The following MTHFD2L variants were observed in gnomAD, a reference collection of about 807,000 sequenced individuals.
MTHFD2L encodes the protein bifunctional methylenetetrahydrofolate dehydrogenase/cyclohydrolase 2, mitochondrial.
In MTHFD2L, 29 loss-of-function variants were observed where a neutral mutation model predicts 34.9. The ratio of observed to expected loss-of-function variants is 0.83; its 90% CI spans 0.62 to 1.13. MTHFD2L has a LOEUF of 1.13. Ranked by LOEUF, MTHFD2L falls within the 50% of genes most tolerant of loss-of-function variation. The pLI, the probability that MTHFD2L is intolerant of heterozygous loss-of-function variation, is 0.00. For missense variants in MTHFD2L, 481 were observed against 446.5 expected (o/e 1.08, Z -0.70); for synonymous variants, 167 against 155.7 (o/e 1.07, Z -0.54).
intron 5 of MTHFD2L, among the ~76,000 whole-genome samples, chr4:74,205,793 G>A (rs1054949254): frequency 6.6e-6 from 1 of 152,042 alleles, no homozygotes; most frequent in Non-Finnish European, 1.5e-5. Flanking sequence ...GTGAGAGATG[G>A]TTCCTGTCCT....
chr4:74,125,789 A>G (rs1414430339), intron 1 of MTHFD2L, among the ~76,000 whole-genome samples: 1 of 152,170 alleles, frequency 6.6e-6, no homozygotes, highest in Non-Finnish European at 1.5e-5. Flanking sequence ...AAATTTGTTT[A>G]TTCTCTTTTA....
upstream of MTHFD2L, among the ~76,000 whole-genome samples, chr4:74,122,407 C>T (rs2109777623): frequency 6.6e-6 from 1 of 152,250 alleles, no homozygotes; most frequent in South Asian, 2.1e-4. Flanking sequence ...ACCACCAGAT[C>T]TCATGATAAT....
At chr4:74,134,951 G>A (rs754930445) in intron 1 of MTHFD2L, among the ~76,000 whole-genome samples, 12 of 151,512 alleles carry the variant, frequency 7.9e-5, no homozygotes, top group African/African-American at 1.9e-4. Context: ...ATGAGAGAAG[G>A]CCACTTACAA....
At chr4:74,145,872 C>T (rs1723562410) in intron 1 of MTHFD2L, among the ~76,000 whole-genome samples, 1 of 152,110 alleles carries the variant, frequency 6.6e-6, no homozygotes, top group Admixed American at 6.5e-5. Flanking sequence ...CCTGCTTTGC[C>T]TTCCACCATA....
chr4:74,143,726 A>AAAAT (rs1723419714), intron 1 of MTHFD2L, among the ~76,000 whole-genome samples: 1 of 151,208 alleles, frequency 6.6e-6, no homozygotes, highest in African/African-American at 2.5e-5. Context: ...TGGGTTGTGG[A>AAAAT]AAATAAGATA....
chr4:74,234,720 A>G (rs1740583531), intron 6 of MTHFD2L, among the ~76,000 whole-genome samples: 1 of 152,016 alleles, frequency 6.6e-6, no homozygotes, highest in East Asian at 1.9e-4. Context: ...AAATTAGTGT[A>G]ATACAGCTTG....
intron 7 of MTHFD2L, chr4:74,293,584 T>C (rs747116687): frequency 2.4e-4 from 223 of 935,468 alleles, no homozygotes; most frequent in Non-Finnish European, 2.6e-4. Flanking sequence ...TATAGTAAAT[T>C]CCCTCCGGAG....
intron 6 of MTHFD2L, among the ~76,000 whole-genome samples, chr4:74,246,574 A>G (rs923304094): frequency 1.8e-4 from 28 of 152,132 alleles, no homozygotes; most frequent in Non-Finnish European, 2.8e-4. Context: ...CCTGAATGGT[A>G]ATGCCTAGGT....
rs1168073393 is a variant in MTHFD2L, at chr4:74,117,800, C to CACGGG, written c.-144+3145_-144+3146insGGGAC. ...ACTGTCACCTCTTCTTTTCACCCAT[C>CACGGG]ACTTTTGTCTTAAGAACTCTATGCT... On this transcript the variant is annotated intron_variant and NMD_transcript_variant, in intron 2 of 9. Transcript: ENST00000429519. Among the ~76,000 whole-genome samples, 3 of 152,192 alleles carry CACGGG rather than the reference C, an allele frequency of 2.0e-5. No individual in the cohort carries two copies. The East Asian group carries it at 5.8e-4, about 29-fold the overall frequency.
At chr4:74,121,486 G>A (rs1721757450), upstream of MTHFD2L, among the ~76,000 whole-genome samples, 1 of 150,230 alleles carries the variant, frequency 6.7e-6, no homozygotes, top group African/African-American at 2.5e-5. Context: ...ATATACTGCA[G>A]GTGTCACTGC....
chr4:74,163,566 A>G (rs193132618), intron 1 of MTHFD2L, among the ~76,000 whole-genome samples: 1 of 152,376 alleles, frequency 6.6e-6, no homozygotes, highest in Admixed American at 6.5e-5. Context: ...AATTTCTAGT[A>G]AAATTACTTC....
At chr4:74,254,587 C>CAA (rs11379406) in intron 6 of MTHFD2L, among the ~76,000 whole-genome samples, 37,276 of 142,702 alleles carry the variant, frequency 0.26, 5,066 homozygotes, top group African/African-American at 0.33. Flanking sequence ...CCCCCACCTC[C>CAA]AAAAAAAAAA....
intron 7 of MTHFD2L, among the ~76,000 whole-genome samples, chr4:74,289,020 AGTT>A (rs1389864824): frequency 6.6e-6 from 1 of 152,122 alleles, no homozygotes; most frequent in Non-Finnish European, 1.5e-5. Flanking sequence ...TCATTCATTT[AGTT>A]GTTCAATGCT....
At chr4:74,248,872 A>G (rs1742885884) in intron 6 of MTHFD2L, among the ~76,000 whole-genome samples, 1 of 150,742 alleles carries the variant, frequency 6.6e-6, no homozygotes, top group African/African-American at 2.4e-5. Context: ...CTGTTCTTTT[A>G]CATTTGCTGA....
In MTHFD2L at chr4:74,293,425, G is replaced by A. The variant is rs562483371; in HGVS notation, c.932-8272G>A. On this transcript the variant is annotated intron_variant, in intron 7 of 7. Transcript: ENST00000325278. ...CTTAGCCACCCTACAAATACAAATT[G>A]CAAAGTAAATACATTTCTACCACAT... The A allele has an allele frequency of 3.5e-5, 22 of 622,424 alleles. No homozygotes were observed. In the South Asian group the frequency reaches 1.2e-3, roughly 34 times the overall value. The allele number at this position is 622,424 out of a possible 1,614,324, so 38.6% of individuals were successfully genotyped here.
At chr4:74,116,531 A>G (rs1444669649) in intron 2 of MTHFD2L, among the ~76,000 whole-genome samples, 1 of 152,218 alleles carries the variant, frequency 6.6e-6, no homozygotes, top group Non-Finnish European at 1.5e-5. Flanking sequence ...GCACATTCCT[A>G]GGCCCTCCCA....
At chr4:74,227,825 A>G (rs1246596) in intron 6 of MTHFD2L, among the ~76,000 whole-genome samples, 143,207 of 152,192 alleles carry the variant, frequency 0.94, 67,714 homozygotes, top group Non-Finnish European at 0.99. Context: ...GTTGTGTCAA[A>G]AACTGACTTT....
Position 74,257,208 on chromosome 4 carries a change from A to G in MTHFD2L, c.806-24217A>G, listed in dbSNP as rs183739390. Among the ~76,000 whole-genome samples, 404 of 152,134 alleles carry G rather than the reference A, an allele frequency of 2.7e-3. 1 individual carries two copies. The highest frequency in any genetic ancestry group is 5.2e-3 in the South Asian group (25 of 4,828). On this transcript the variant is annotated intron_variant, in intron 6 of 7. Transcript: ENST00000325278. ...TTATATGTATTTCTAGGTATTTTGT[A>G]TGTGCTTGGCTATTGTAAATGGGAT...
At chr4:74,184,523 C>T (rs1730778526) in intron 3 of MTHFD2L, among the ~76,000 whole-genome samples, 1 of 151,746 alleles carries the variant, frequency 6.6e-6, no homozygotes, top group Non-Finnish European at 1.5e-5. Flanking sequence ...ATTACATGAA[C>T]CAAAAGCTAA....
Sources: gnomAD v4.1 joint callset for allele counts (sites outside exome capture counted in the v4.1 genomes callset) on GRCh38, gnomAD v4.1.1 for gene constraint, MANE v1.5 for transcripts, NCBI Gene and HGNC (gene_info 2026-07-23, HGNC 2026-07-21) for gene names.